PCDHGB6: variants seen among roughly 807,000 people sequenced by gnomAD.
PCDHGB6 encodes protocadherin gamma-B6.
A neutral mutation model predicts 59.1 loss-of-function variants in PCDHGB6; 51 were observed. The ratio of observed to expected loss-of-function variants is 0.86; its 90% confidence interval spans 0.69 to 1.09. PCDHGB6 has a LOEUF of 1.09. Among genes scored for constraint, PCDHGB6 ranks in the 50% least tolerant of loss-of-function variants. PCDHGB6 has a pLI of 0.00. For missense variants in PCDHGB6, 1,148 were observed against 1,205.1 expected (o/e 0.95, Z 0.70); for synonymous variants, 466 against 495.1 (o/e 0.94, Z 0.78).
Position 141,439,149 on chromosome 5 carries a change from C to T in PCDHGB6, c.2418+28529C>T, listed in dbSNP as rs543388568. Reference sequence around the variant, plus strand: ...CAGAGGTTGCAGTGAGCTGAGATCACGCCACTGCACTCCAGCCTGGGCGAC... The same window carrying T: ...CAGAGGTTGCAGTGAGCTGAGATCATGCCACTGCACTCCAGCCTGGGCGAC... On this transcript the variant is annotated intron_variant, in intron 1 of 3. Transcript: ENST00000520790. Among the ~76,000 whole-genome samples, 165 of 150,018 alleles carry T rather than the reference C, an allele frequency of 1.1e-3. 1 individual carries two copies. In the Middle Eastern group the frequency reaches 0.017, roughly 16 times the overall value.
intron 2 of PCDHGB6, among the ~76,000 whole-genome samples, chr5:141,504,713 G>A (rs1443171981): frequency 1.3e-5 from 2 of 151,850 alleles, no homozygotes; most frequent in African/African-American, 2.4e-5. Context: ...TATGGCCGTG[G>A]ATTTTACTCT....
rs2099615817 is a variant in PCDHGB6 at position 141,485,564 on chromosome 5, C to G, written c.2419-9243C>G. On this transcript the variant is annotated intron_variant, in intron 1 of 3. Coordinates refer to ENST00000520790, the MANE Select transcript of PCDHGB6 (RefSeq NM_018926.3). This position sits in a 1 kb window ranked among gnomAD's most constrained non-coding sequence, Gnocchi z 5.7. ...GATCGTAGATGTGAATGATCACGCCCCCCGTTTTCCGCGGCAGCAGCTGGA... is the reference window on the plus strand; with the variant it reads ...GATCGTAGATGTGAATGATCACGCCGCCCGTTTTCCGCGGCAGCAGCTGGA... 6.2e-7 allele frequency: 1 copy of G among 1,612,958 alleles called. No individual in the cohort carries two copies. The highest frequency in any genetic ancestry group is 8.5e-7 in the Non-Finnish European group (1 of 1,179,052).
chr5:141,416,031 C>G (rs1301059596), intron 1 of PCDHGB6: 1 of 207,362 alleles, frequency 4.8e-6, no homozygotes, highest in Non-Finnish European at 9.4e-6. Context: ...AGAAAGAAAT[C>G]ACCTCTGGAA....
intron 1 of PCDHGB6, among the ~76,000 whole-genome samples, chr5:141,444,733 G>A (rs1464370133): frequency 6.6e-6 from 1 of 152,106 alleles, no homozygotes; most frequent in Non-Finnish European, 1.5e-5. Flanking sequence ...TTTGTTGAAA[G>A]TCATTTCACT....
At chr5:141,507,016 G>C (rs913170594) in intron 3 of PCDHGB6, 1 of 152,166 alleles carries the variant, frequency 6.6e-6, no homozygotes, top group African/African-American at 2.4e-5. Context: ...AACCGAGAAG[G>C]CACTTGCCCC....
intron 1 of PCDHGB6, among the ~76,000 whole-genome samples, chr5:141,460,763 T>A (rs904048213): frequency 4.6e-5 from 7 of 152,170 alleles, no homozygotes; most frequent in Admixed American, 1.3e-4. Context: ...ATATACATAT[T>A]GCATATGTAT....
rs2233602 is a variant in PCDHGB6, at chr5:141,490,032, C to T, written c.2419-4775C>T. 47,990 of 1,614,182 alleles carry T rather than the reference C, an allele frequency of 0.03. 1,413 individuals are homozygous for T. Among genetic ancestry groups the T allele is most frequent in the African/African-American group, 0.15 (11,444 of 75,040 alleles). On this transcript the variant is annotated intron_variant, in intron 1 of 3. Coordinates refer to ENST00000520790, the MANE Select transcript of PCDHGB6 (RefSeq NM_018926.3). The surrounding 1 kb of genome is among the most constrained non-coding windows in gnomAD (Gnocchi z 5.4). ...CCATTGGTACTCTGCTGCTCCGCCT[C>T]AATGCCACTGATCCAGACGAGGGCA...
intron 1 of PCDHGB6, among the ~76,000 whole-genome samples, chr5:141,465,779 G>GT (rs879859429): frequency 0.017 from 2,504 of 144,598 alleles, 23 homozygotes; most frequent in Non-Finnish European, 0.024. Flanking sequence ...TCTTGTTACA[G>GT]TTTTTTTTTT....
intron 2 of PCDHGB6, among the ~76,000 whole-genome samples, chr5:141,502,496 C>T (rs934563545): frequency 2.0e-5 from 3 of 152,178 alleles, no homozygotes; most frequent in Admixed American, 6.5e-5. Context: ...ACTCATCTAA[C>T]GTCGGCCTGT....
intron 1 of PCDHGB6, among the ~76,000 whole-genome samples, chr5:141,464,702 G>T (rs934638404): frequency 1.3e-5 from 2 of 151,942 alleles, no homozygotes; most frequent in African/African-American, 2.4e-5. Context: ...TATGAATGAG[G>T]TTAAATAGTT....
chr5:141,443,781 CA>C (rs1227271563), intron 1 of PCDHGB6, among the ~76,000 whole-genome samples: 2 of 150,514 alleles, frequency 1.3e-5, no homozygotes, highest in African/African-American at 2.4e-5. Flanking sequence ...ACCAAAAAGA[CA>C]AAAAAAATGA....
chr5:141,418,370 C>G (rs910813828), intron 1 of PCDHGB6: 1 of 1,613,822 alleles, frequency 6.2e-7, no homozygotes, highest in African/African-American at 1.3e-5. Flanking sequence ...GAGCAAATAC[C>G]AACTAAGTCC....
At position 141,477,020 on chromosome 5, in the gene PCDHGB6, G is replaced by A; in HGVS notation, c.2419-17787G>A. The A allele has an allele frequency of 6.2e-7, 1 of 1,614,224 alleles. No individual in the cohort carries two copies. Among genetic ancestry groups the A allele is most frequent in the Non-Finnish European group, 8.5e-7 (1 of 1,180,048 alleles). ...ACTATTCGCCTTAGACCTTGTAACC[G>A]GGATGCTGACAATCAAGGGTCGGCT... On this transcript the variant is annotated intron_variant, in intron 1 of 3. Transcript: ENST00000520790. This position sits in a 1 kb window ranked among gnomAD's most constrained non-coding sequence, Gnocchi z 4.9.
Position 141,418,592 on chromosome 5 carries a change from G to A in PCDHGB6, c.2418+7972G>A, listed in dbSNP as rs772314584. Reference sequence around the variant, plus strand: ...TGACAACCCCCCAGTGTTCAGCCAGGACGTGTACAGGGTTAGCCTTCGGGA... The same window carrying A: ...TGACAACCCCCCAGTGTTCAGCCAGAACGTGTACAGGGTTAGCCTTCGGGA... On this transcript the variant is annotated intron_variant, in intron 1 of 3. Transcript: ENST00000520790. 18 of 1,614,020 alleles carry A rather than the reference G, an allele frequency of 1.1e-5. No homozygotes were observed. The highest frequency in any genetic ancestry group is 1.5e-5 in the Non-Finnish European group (18 of 1,179,902).
intron 1 of PCDHGB6, among the ~76,000 whole-genome samples, chr5:141,482,832 G>A (rs2099573281): frequency 6.6e-6 from 1 of 152,188 alleles, no homozygotes; most frequent in Non-Finnish European, 1.5e-5. Flanking sequence ...AGCACTTTGG[G>A]AGGCCAAGGT....
At chr5:141,445,782 G>A (rs530081823) in intron 1 of PCDHGB6, among the ~76,000 whole-genome samples, 1 of 152,310 alleles carries the variant, frequency 6.6e-6, no homozygotes, top group East Asian at 1.9e-4. Flanking sequence ...AAGGGCTAGG[G>A]AGGCTAGAAA....
In PCDHGB6 at chr5:141,432,510, C is replaced by A; in HGVS notation, c.2418+21890C>A. 1 of 1,614,140 alleles carries A rather than the reference C, an allele frequency of 6.2e-7. No homozygotes were observed. The highest frequency in any genetic ancestry group is 8.5e-7 in the Non-Finnish European group (1 of 1,180,042). On this transcript the variant is annotated intron_variant, in intron 1 of 3. Coordinates refer to ENST00000520790, the MANE Select transcript of PCDHGB6 (RefSeq NM_018926.3). The surrounding 1 kb of genome is among the most constrained non-coding windows in gnomAD (Gnocchi z 6.0). ...GAGCTGGCTCCCCGCTCCGCAGAGCCCGGCTACCTGGTGACCAAGGTGGTG... is the reference window on the plus strand; with the variant it reads ...GAGCTGGCTCCCCGCTCCGCAGAGCACGGCTACCTGGTGACCAAGGTGGTG...
intron 2 of PCDHGB6, among the ~76,000 whole-genome samples, chr5:141,495,119 C>T (rs1024197360): frequency 3.9e-5 from 6 of 152,182 alleles, no homozygotes; most frequent in African/African-American, 1.4e-4. Context: ...CTTTTCCTAT[C>T]CCCTGAGGGC....
In PCDHGB6 at chr5:141,448,136, A is replaced by G. The variant is rs2098567363; in HGVS notation, c.2418+37516A>G. Among the ~76,000 whole-genome samples, 5 of 152,036 alleles carry G rather than the reference A, an allele frequency of 3.3e-5. No individual in the cohort carries two copies. The South Asian group carries it at 1.0e-3, about 32-fold the overall frequency. On this transcript the variant is annotated intron_variant, in intron 1 of 3. Transcript: ENST00000520790. ...AAAATTAGCCTCCCCCACCCTCACT[A>G]TACCTCAGACTCACCCCTGAAAGAT...
Sources: gnomAD v4.1 joint callset for allele counts (sites outside exome capture counted in the v4.1 genomes callset) on GRCh38, gnomAD v4.1.1 for gene constraint, Gnocchi (gnomAD v3.1) non-coding constraint, MANE v1.5 for transcripts, NCBI Gene and HGNC (gene_info 2026-07-23, HGNC 2026-07-21) for gene names.